Variants in ARHGEF26 observed in about 807,000 individuals in gnomAD.
The protein encoded by ARHGEF26 is Rho guanine nucleotide exchange factor 26, also known as Rho guanine nucleotide exchange factor (GEF) 26.
A neutral mutation model predicts 89.4 loss-of-function variants in ARHGEF26; 59 were observed. The ratio of observed to expected loss-of-function variants is 0.66; its 90% confidence interval spans 0.54 to 0.82. ARHGEF26 has a LOEUF of 0.82. ARHGEF26 is among the 40% of genes least tolerant of loss of function. ARHGEF26 has a pLI of 0.00. For synonymous variants in ARHGEF26, 500 were observed against 428.4 expected, an observed-to-expected ratio of 1.17 and a Z score of -2.06; for missense variants, 1,234 against 1,085.6, an observed-to-expected ratio of 1.14 and a Z score of -1.92.
In ARHGEF26 at chr3:154,182,127, G is replaced by T. The variant is rs145032384; in HGVS notation, c.1488-5558G>T. Reference sequence around the variant, plus strand: ...TATAGTAGTGAACACAACAGACATGGCCCCATCCTCTAAACCTTGCTAAGA... The same window carrying T: ...TATAGTAGTGAACACAACAGACATGTCCCCATCCTCTAAACCTTGCTAAGA... On this transcript the variant is annotated intron_variant, in intron 6 of 14. Coordinates refer to ENST00000465093, the MANE Select transcript of ARHGEF26 (RefSeq NM_015595.4). 4.0e-3 allele frequency among the ~76,000 whole-genome samples: 600 copies of T among 151,592 alleles called. 5 individuals carry two copies. The highest frequency in any genetic ancestry group is 0.014 in the African/African-American group (575 of 41,296).
At chr3:154,166,980 T>C (rs1712081800) in intron 6 of ARHGEF26, among the ~76,000 whole-genome samples, 1 of 152,170 alleles carries the variant, frequency 6.6e-6, no homozygotes, top group Admixed American at 6.5e-5. Context: ...CCAGTACCTA[T>C]TTACTTTTAG....
At chr3:154,251,346 T>C (rs867075238) in intron 12 of ARHGEF26, among the ~76,000 whole-genome samples, 3 of 152,206 alleles carry the variant, frequency 2.0e-5, no homozygotes, top group Non-Finnish European at 4.4e-5. Flanking sequence ...CTTCAGAATA[T>C]TATTTAGAAC....
chr3:154,192,130 C>T (rs188425020), intron 8 of ARHGEF26, among the ~76,000 whole-genome samples: 5 of 152,174 alleles, frequency 3.3e-5, no homozygotes, highest in African/African-American at 4.8e-5. Context: ...TGGGGTGGCT[C>T]GACACAGGTG....
chr3:154,243,874 T>C (rs912839763), intron 12 of ARHGEF26, among the ~76,000 whole-genome samples: 7 of 152,008 alleles, frequency 4.6e-5, no homozygotes, highest in Non-Finnish European at 8.8e-5. Context: ...AAAAAGACTA[T>C]TAAAAAACCT....
chr3:154,255,666 GT>G lies in ARHGEF26; in HGVS notation c.*198del. On this transcript the variant is annotated 3_prime_UTR_variant, in exon 15 of 15. Coordinates refer to ENST00000465093, the MANE Select transcript of ARHGEF26 (RefSeq NM_015595.4). Reference sequence around the variant, plus strand: ...GGATACAGTGAGTTTGCACAGCTCAGTTTTTACCTAACCACACACTTGCAGA... The same window carrying G: ...GGATACAGTGAGTTTGCACAGCTCAGTTTTACCTAACCACACACTTGCAGA... 26 of 1,395,918 alleles carry G rather than the reference GT, an allele frequency of 1.9e-5. No individual in the cohort carries two copies. Among genetic ancestry groups the G allele is most frequent in the Non-Finnish European group, 2.4e-5 (26 of 1,081,962 alleles). 86.5% of individuals were successfully genotyped at this position (1,395,918 alleles called of 1,614,324 possible).
At chr3:154,160,326 G>A (rs555125216) in intron 6 of ARHGEF26, among the ~76,000 whole-genome samples, 8 of 152,214 alleles carry the variant, frequency 5.3e-5, no homozygotes, top group African/African-American at 1.7e-4. Flanking sequence ...AATAAAGAAA[G>A]AAAAACTAGT....
At chr3:154,209,223 G>A (rs546875512) in intron 9 of ARHGEF26, among the ~76,000 whole-genome samples, 183 of 152,258 alleles carry the variant, frequency 1.2e-3, no homozygotes, top group Non-Finnish European at 2.4e-3. Context: ...CTCTTTGCCT[G>A]AAAAGTCACA....
chr3:154,207,754 C>T (rs754279837), intron 9 of ARHGEF26, among the ~76,000 whole-genome samples: 9 of 152,110 alleles, frequency 5.9e-5, no homozygotes, highest in African/African-American at 4.8e-5. Flanking sequence ...GGGTATGCAC[C>T]GTAAGGAATA....
At chr3:154,153,720 A>C (rs1271127541) in intron 6 of ARHGEF26, among the ~76,000 whole-genome samples, 1 of 152,074 alleles carries the variant, frequency 6.6e-6, no homozygotes, top group Non-Finnish European at 1.5e-5. Context: ...AACCAGAGTC[A>C]ACATTTGTTT....
At chr3:154,175,266 T>A (rs1559878197) in intron 6 of ARHGEF26, among the ~76,000 whole-genome samples, 1 of 152,218 alleles carries the variant, frequency 6.6e-6, no homozygotes, top group Non-Finnish European at 1.5e-5. Flanking sequence ...ACATGGGCTG[T>A]ACCTGTAACT....
chr3:154,186,886 CTTTT>C (rs201150057), intron 6 of ARHGEF26, among the ~76,000 whole-genome samples: 54 of 82,042 alleles, frequency 6.6e-4, no homozygotes, highest in African/African-American at 2.6e-3. Flanking sequence ...TTATTTCAGA[CTTTT>C]TTTTTTTTTT....
rs73875324 is a variant in ARHGEF26, at chr3:154,125,341, A to G, written c.1123+892A>G. ...CCATTGGAACATTTATAAATGACTT[A>G]TCTATAAAAATTCATTCACCGCACC... is the stretch of plus-strand genomic sequence containing the variant. On this transcript the variant is annotated intron_variant, in intron 3 of 14. Coordinates refer to ENST00000465093, the MANE Select transcript of ARHGEF26 (RefSeq NM_015595.4). Among the ~76,000 whole-genome samples, 914 of 152,338 alleles carry G rather than the reference A, an allele frequency of 6.0e-3. 8 individuals carry two copies. The highest frequency in any genetic ancestry group is 0.021 in the African/African-American group (853 of 41,572).
At chr3:154,224,496 G>A (rs948284226) in intron 10 of ARHGEF26, among the ~76,000 whole-genome samples, 1 of 152,176 alleles carries the variant, frequency 6.6e-6, no homozygotes, top group Non-Finnish European at 1.5e-5. Context: ...CCATAATATT[G>A]TCCTTGGTTC....
At chr3:154,168,481 G>A (rs1218209464) in intron 6 of ARHGEF26, among the ~76,000 whole-genome samples, 2 of 152,132 alleles carry the variant, frequency 1.3e-5, no homozygotes, top group Non-Finnish European at 2.9e-5. Flanking sequence ...GGAGGCTGAG[G>A]TGGGAGGATC....
At chr3:154,145,441 G>A (rs936476717) in intron 4 of ARHGEF26, among the ~76,000 whole-genome samples, 2 of 152,176 alleles carry the variant, frequency 1.3e-5, no homozygotes, top group Non-Finnish European at 2.9e-5. Flanking sequence ...CAGCAAATGG[G>A]TAAACTCCAT....
chr3:154,239,539 G>A (rs1046280608), intron 11 of ARHGEF26, among the ~76,000 whole-genome samples: 3 of 152,012 alleles, frequency 2.0e-5, no homozygotes, highest in Non-Finnish European at 4.4e-5. Flanking sequence ...CAGGCAGAGA[G>A]CTCTCAGGAG....
chr3:154,254,629 T>C lies in ARHGEF26; in HGVS notation c.2369-91T>C, dbSNP rs920029650. 5.2e-6 allele frequency: 5 copies of C among 970,696 alleles called. No homozygotes were observed. The African/African-American group carries it at 6.5e-5, about 13-fold the overall frequency. 60.1% of individuals were successfully genotyped at this position (970,696 alleles called of 1,614,324 possible). ...TGTTTCTCTCAATGCTGGCCCTGAATTGCAGAGAAAAATAAGTAAGTGTAC... is the reference window on the plus strand; with the variant it reads ...TGTTTCTCTCAATGCTGGCCCTGAACTGCAGAGAAAAATAAGTAAGTGTAC... On this transcript the variant is annotated intron_variant, in intron 13 of 14. Coordinates refer to ENST00000465093, the MANE Select transcript of ARHGEF26 (RefSeq NM_015595.4).
intron 5 of ARHGEF26, among the ~76,000 whole-genome samples, chr3:154,150,312 T>C (rs1719946090): frequency 1.3e-5 from 2 of 152,060 alleles, no homozygotes; most frequent in Admixed American, 1.3e-4. Context: ...AACATAAAAC[T>C]GATAGTGTAG....
chr3:154,131,135 G>C (rs1005534281), intron 4 of ARHGEF26, among the ~76,000 whole-genome samples: 8 of 152,122 alleles, frequency 5.3e-5, no homozygotes, highest in African/African-American at 1.9e-4. Flanking sequence ...CAGTGTCAGG[G>C]GAAGTAGAAT....
Sources: gnomAD v4.1 joint callset for allele counts (sites outside exome capture counted in the v4.1 genomes callset) on GRCh38, gnomAD v4.1.1 for gene constraint, MANE v1.5 for transcripts, NCBI Gene and HGNC (gene_info 2026-07-23, HGNC 2026-07-21) for gene names.